The following TAFA1 variants were observed in gnomAD, a reference collection of about 807,000 sequenced individuals.
TAFA1 encodes the protein TAFA chemokine like family member 1, also known as chemokine-like protein TAFA-1.
In TAFA1, 4 loss-of-function variants were observed where a neutral mutation model predicts 18.5. The ratio of observed to expected loss-of-function variants is 0.22; its 90% CI spans 0.11 to 0.49. The LOEUF (loss-of-function observed/expected upper bound fraction) is 0.49, where lower values mean the gene tolerates loss of function less well. TAFA1 is among the 20% of genes least tolerant of loss of function. The pLI is 0.98. For missense variants in TAFA1, 147 were observed against 169.0 expected (o/e 0.87, Z 0.72); for synonymous variants, 56 against 55.2 (o/e 1.01, Z -0.06).
chr3:68,480,046 GT>G (rs1440298734), intron 3 of TAFA1, among the ~76,000 whole-genome samples: 1 of 152,048 alleles, frequency 6.6e-6, no homozygotes, highest in African/African-American at 2.4e-5. Context: ...CTCTCAAAGT[GT>G]GGTTCCATGC....
intron 3 of TAFA1, among the ~76,000 whole-genome samples, chr3:68,458,144 AAG>A (rs1156684357): frequency 2.0e-5 from 3 of 152,032 alleles, no homozygotes; most frequent in Non-Finnish European, 4.4e-5. Context: ...TCACGATGGT[AAG>A]AGAGTTCTCA....
chr3:68,540,103 G>A (rs748058130), intron 4 of TAFA1, among the ~76,000 whole-genome samples: 4 of 152,016 alleles, frequency 2.6e-5, no homozygotes, highest in Middle Eastern at 6.8e-3. Context: ...TGGTTCTTTC[G>A]TCTTTGTGAT....
intron 3 of TAFA1, among the ~76,000 whole-genome samples, chr3:68,500,250 C>T (rs1471548570): frequency 6.6e-6 from 1 of 152,116 alleles, no homozygotes; most frequent in Non-Finnish European, 1.5e-5. Context: ...TTCAAACTCT[C>T]CATCATGAAG....
chr3:68,043,063 T>G (rs1432429181), intron 2 of TAFA1, among the ~76,000 whole-genome samples: 1 of 152,184 alleles, frequency 6.6e-6, no homozygotes, highest in Non-Finnish European at 1.5e-5. Context: ...TTTTGTATTT[T>G]TAGTAGAGAC....
intron 2 of TAFA1, among the ~76,000 whole-genome samples, chr3:68,098,285 C>A (rs1486111226): frequency 6.6e-6 from 1 of 152,066 alleles, no homozygotes; most frequent in African/African-American, 2.4e-5. Context: ...CTGTTACATG[C>A]ATCTAAATGA....
rs564378009 is a variant in TAFA1 at position 68,414,268 on chromosome 3, T to C, written c.119-3012T>C. 1.9e-4 allele frequency among the ~76,000 whole-genome samples: 29 copies of C among 152,070 alleles called. 1 individual carries two copies. The highest frequency in any genetic ancestry group is 1.6e-3 in the Admixed American group (25 of 15,266). The stretch of plus-strand genomic sequence containing the variant: ...GTTGCAGTGAACTGAGATCGCGCCA[T>C]TGCACTCCAGCCTAGGCAACAGGAG... On this transcript the variant is annotated intron_variant, in intron 2 of 4. Coordinates refer to ENST00000478136, the MANE Select transcript of TAFA1 (RefSeq NM_213609.4).
intron 2 of TAFA1, among the ~76,000 whole-genome samples, chr3:68,414,367 G>C (rs1375430062): frequency 6.6e-6 from 1 of 152,078 alleles, no homozygotes; most frequent in Non-Finnish European, 1.5e-5. Context: ...AGGAGGGGCG[G>C]CTCGGATATT....
intron 2 of TAFA1, among the ~76,000 whole-genome samples, chr3:68,262,375 A>G (rs1234503023): frequency 7.6e-6 from 1 of 130,938 alleles, no homozygotes; most frequent in African/African-American, 2.9e-5. Flanking sequence ...GGTATATTGA[A>G]CCCAGCCAGG....
intron 2 of TAFA1, among the ~76,000 whole-genome samples, chr3:68,339,655 G>A (rs1314669473): frequency 1.3e-5 from 2 of 152,130 alleles, no homozygotes; most frequent in Non-Finnish European, 2.9e-5. Flanking sequence ...CTTAAACATT[G>A]CCAGTGTTTT....
In TAFA1 at chr3:68,123,878, CAAAAAAAAAAAAAAAAAAA is replaced by C. The variant is rs758966848; in HGVS notation, c.118+117157_118+117175del. 1.5e-4 allele frequency among the ~76,000 whole-genome samples: 11 copies of C among 72,144 alleles called. No individual in the cohort carries two copies. In the East Asian group the frequency reaches 1.9e-3, roughly 13 times the overall value. 47.3% of individuals were successfully genotyped at this position (72,144 alleles called of 152,430 possible). A position where few individuals can be genotyped will look rare whatever the true frequency, so the allele number is the denominator to read the frequency against. On this transcript the variant is annotated intron_variant, in intron 2 of 4. Coordinates refer to ENST00000478136, the MANE Select transcript of TAFA1 (RefSeq NM_213609.4). ...TGACAAAGAACAACACTTTTTTTTCCAAAAAAAAAAAAAAAAAAAAAAAAAAAAAAAAAAAAAAAAAGCT... is the reference window on the plus strand; with the variant it reads ...TGACAAAGAACAACACTTTTTTTTCCAAAAAAAAAAAAAAAAAAAAAAGCT...
chr3:68,081,830 G>C (rs2064905320), intron 2 of TAFA1, among the ~76,000 whole-genome samples: 1 of 152,242 alleles, frequency 6.6e-6, no homozygotes, highest in African/African-American at 2.4e-5. Context: ...TTGAGCTGTG[G>C]TGGGCTCCAC....
chr3:68,489,115 G>C (rs184548382), intron 3 of TAFA1, among the ~76,000 whole-genome samples: 2 of 152,206 alleles, frequency 1.3e-5, no homozygotes, highest in Non-Finnish European at 2.9e-5. Flanking sequence ...AGGCAGAAGA[G>C]TTGCAGTTTT....
intron 2 of TAFA1, among the ~76,000 whole-genome samples, chr3:68,388,725 T>C (rs956009487): frequency 6.6e-6 from 1 of 152,154 alleles, no homozygotes; most frequent in Non-Finnish European, 1.5e-5. Flanking sequence ...GAATCATTCT[T>C]AAAAAAGACA....
intron 2 of TAFA1, among the ~76,000 whole-genome samples, chr3:68,182,429 G>T (rs1046475860): frequency 1.3e-5 from 2 of 152,116 alleles, no homozygotes; most frequent in African/African-American, 4.8e-5. Context: ...TTCTGGGGTG[G>T]TGACATTTAC....
At chr3:68,544,374 A>T (rs995389715) in intron 4 of TAFA1, 112 bp from the exon 5 acceptor site, 1 of 1,109,938 alleles carries the variant, frequency 9.0e-7, no homozygotes, top group African/African-American at 1.6e-5. Context: ...TCACCTGAAA[A>T]AAAGCAACAT....
rs150258169 is a variant in TAFA1, at chr3:68,382,016, T to C, written c.119-35264T>C. On this transcript the variant is annotated intron_variant, in intron 2 of 4. Coordinates refer to ENST00000478136, the MANE Select transcript of TAFA1 (RefSeq NM_213609.4). ...CTTTTGTCAAAGGCCTTTTCTGCCTTTCTATCTCTATTGAGATAATCATGT... is the reference window on the plus strand; with the variant it reads ...CTTTTGTCAAAGGCCTTTTCTGCCTCTCTATCTCTATTGAGATAATCATGT... Among the ~76,000 whole-genome samples, 661 of 152,000 alleles carry C rather than the reference T, an allele frequency of 4.3e-3. 4 individuals carry two copies. The highest frequency in any genetic ancestry group is 0.031 in the South Asian group (150 of 4,828).
chr3:68,330,668 T>C (rs2068851304), intron 2 of TAFA1, among the ~76,000 whole-genome samples: 1 of 152,216 alleles, frequency 6.6e-6, no homozygotes, highest in Admixed American at 6.5e-5. Context: ...TTGGGTCACA[T>C]AACTAGTAGG....
intron 3 of TAFA1, among the ~76,000 whole-genome samples, chr3:68,490,000 C>T (rs905974809): frequency 2.6e-5 from 4 of 152,028 alleles, no homozygotes; most frequent in Admixed American, 1.3e-4. Context: ...TGAAACAAAA[C>T]AAAATAAAAA....
chr3:68,315,036 G>T (rs560068397), intron 2 of TAFA1, among the ~76,000 whole-genome samples: 39 of 151,958 alleles, frequency 2.6e-4, no homozygotes, highest in Non-Finnish European at 4.7e-4. Context: ...CTGTTAAAGA[G>T]AACTTCAATA....
Sources: gnomAD v4.1 joint callset for allele counts (sites outside exome capture counted in the v4.1 genomes callset) on GRCh38, gnomAD v4.1.1 for gene constraint, MANE v1.5 for transcripts, NCBI Gene and HGNC (gene_info 2026-07-23, HGNC 2026-07-21) for gene names.